SYNE2: variants seen among roughly 807,000 people sequenced by gnomAD.
The protein encoded by SYNE2 is nesprin-2.
A neutral mutation model predicts 856.3 loss-of-function variants in SYNE2; 431 were observed. The observed-to-expected ratio is 0.50, with a 90% CI of 0.47 to 0.55. The LOEUF (loss-of-function observed/expected upper bound fraction) is 0.55. SYNE2 is among the 20% of genes least tolerant of loss of function. The pLI is 0.00. For missense variants in SYNE2, 8,129 were observed against 8,023.2 expected (o/e 1.01, Z -0.50); for synonymous variants, 2,923 against 2,872.3 (o/e 1.02, Z -0.56).
rs149227847 is a variant in SYNE2, at chr14:64,167,345, G to A, written c.16718G>A (p.Arg5573Gln). ...GTGAAGACGTTACAAAATATGAACC[G>A]GCAATGGATTCGGGCCACGGCCACG... ...VAVKTLQNMN[R>Q]QWIRATATAL... Residue 5573 changes from arginine (R) to glutamine (Q), a missense_variant, in exon 91 of 116, where the codon CGG (arginine) becomes CAG (glutamine). Arg to Gln is a conservative substitution (Grantham distance 43). This residue lies in a region of SYNE2 where 5,410 missense variants were observed against 5,284.8 expected (regional missense o/e 1.02). Transcript: ENST00000555002. 1,587 of 1,614,170 alleles carry A rather than the reference G, an allele frequency of 9.8e-4. 1 individual carries two copies. The highest frequency in any genetic ancestry group is 2.2e-3 in the Admixed American group (135 of 60,020).
chr14:64,175,046 G>A lies in SYNE2; in HGVS notation c.17338G>A (p.Val5780Met), dbSNP rs1236151608. 2 of 1,614,088 alleles carry A rather than the reference G, an allele frequency of 1.2e-6. No individual in the cohort carries two copies. The highest frequency in any genetic ancestry group is 1.7e-6 in the Non-Finnish European group (2 of 1,180,044). The change falls in exon 95 of 116, where the codon GTG (valine) becomes ATG (methionine). Residue 5780 changes from valine (V) to methionine (M), a missense_variant. Physicochemically the swap from Val to Met is conservative, Grantham distance 21. Around this residue, in one of 3 missense-constraint regions of SYNE2, gnomAD observed 5,410 missense variants for 5,284.8 expected, o/e 1.02. Coordinates refer to ENST00000555002, the MANE Select transcript of SYNE2 (RefSeq NM_182914.3). ...LTTDLKTKESVGRRISQLQDS... is the reference protein window; with the variant it reads ...LTTDLKTKESMGRRISQLQDS... ...AACTGACCTGAAAACTAAAGAGTCTGTGGGTAGGAGAATCAGTCAACTTCA... is the reference window on the plus strand; with the variant it reads ...AACTGACCTGAAAACTAAAGAGTCTATGGGTAGGAGAATCAGTCAACTTCA...
Position 64,167,608 on chromosome 14 carries a change from C to T in SYNE2, c.16874C>T (p.Pro5625Leu), listed in dbSNP as rs757848145. The change falls in exon 92 of 116, where the codon CCT becomes CTT. Residue 5625 changes from proline (P) to leucine (L), a missense_variant. By Grantham distance (98) the Pro-to-Leu change is moderately conservative. Around this residue, in one of 3 missense-constraint regions of SYNE2, gnomAD observed 5,410 missense variants for 5,284.8 expected, o/e 1.02. Transcript: ENST00000555002. ...AAAGTGGATGTGGCTAACAGCCTTC[C>T]TGAGCTCCTGGAGCAGCAGAAAACC... The part of the protein sequence containing the change: ...ALKVDVANSL[P>L]ELLEQQKTYK... 1.1e-5 allele frequency: 18 copies of T among 1,614,094 alleles called. No homozygotes were observed. The highest frequency in any genetic ancestry group is 1.5e-5 in the Non-Finnish European group (18 of 1,180,046).
chr14:64,114,995 G>A (rs1468563726), intron 66 of SYNE2, among the ~76,000 whole-genome samples: 1 of 152,186 alleles, frequency 6.6e-6, no homozygotes, highest in Non-Finnish European at 1.5e-5. Flanking sequence ...AGGCCCAGGG[G>A]AGCCTGTGAA....
chr14:64,070,922 G>A lies in SYNE2; in HGVS notation c.10697+12G>A, dbSNP rs1213281241. 3.7e-6 allele frequency: 6 copies of A among 1,613,832 alleles called. No individual in the cohort carries two copies. The highest frequency in any genetic ancestry group is 5.1e-6 in the Non-Finnish European group (6 of 1,179,904). The stretch of plus-strand genomic sequence containing the variant: ...GAACGATGCAACAAGTAAGATTTAT[G>A]AAAAACTATTAAGGACGTGTGCTTG... On this transcript the variant is annotated intron_variant, in intron 52 of 115. Transcript: ENST00000555002.
At chr14:64,103,444 C>G (rs1356643864) in intron 64 of SYNE2, among the ~76,000 whole-genome samples, 1 of 149,026 alleles carries the variant, frequency 6.7e-6, no homozygotes, top group Non-Finnish European at 1.5e-5. Context: ...TAAATATTTT[C>G]CAGTCTCTCA....
chr14:64,163,910 C>T (rs994091937), intron 89 of SYNE2, among the ~76,000 whole-genome samples: 6 of 151,994 alleles, frequency 3.9e-5, no homozygotes, highest in African/African-American at 1.2e-4. Context: ...GTCATATCTT[C>T]GTGTCTTCAT....
At chr14:63,951,879 C>T (rs191405809) in intron 7 of SYNE2, among the ~76,000 whole-genome samples, 31 of 152,290 alleles carry the variant, frequency 2.0e-4, no homozygotes, top group African/African-American at 5.5e-4. Flanking sequence ...CTTTTCTTCA[C>T]GTCTCCCCAT....
chr14:64,087,328 A>G, intron 57 of SYNE2: 1 of 478,820 alleles, frequency 2.1e-6, no homozygotes, highest in African/African-American at 2.0e-5. Flanking sequence ...TGGCTGAGCT[A>G]TTTTGACATC....
At position 64,142,073 on chromosome 14, in the gene SYNE2, T is replaced by A. The variant is rs2098142985; in HGVS notation, c.15291T>A (p.Leu5097=). 1 of 1,613,070 alleles carries A rather than the reference T, an allele frequency of 6.2e-7. No homozygotes were observed. Among genetic ancestry groups the A allele is most frequent in the African/African-American group, 1.4e-5 (1 of 74,014 alleles). Residue 5097 remains leucine (L), a synonymous_variant, in exon 82 of 116, where the codon CTT becomes CTA. Transcript: ENST00000555002. ...SPSSASQVKH[L]LQKHKEFRME... The stretch of plus-strand genomic sequence containing the variant: ...GTTCTGCATCTCAAGTTAAACATCT[T>A]CTTCAGAAGCACAAGGTAATTATGC...
At position 64,116,812 on chromosome 14, in the gene SYNE2, G is replaced by A. The variant is rs150137699; in HGVS notation, c.12841-2615G>A. 5.4e-3 allele frequency among the ~76,000 whole-genome samples: 815 copies of A among 152,296 alleles called. 8 individuals are homozygous for A. Among genetic ancestry groups the A allele is most frequent in the African/African-American group, 0.019 (777 of 41,558 alleles). ...ACAAAAGTGAAGAACTAGAAACAAA[G>A]GGGTAACAAGAGGGAAATTGGTAAG... On this transcript the variant is annotated intron_variant, in intron 66 of 115. Transcript: ENST00000555002.
rs560733036 is a variant in SYNE2 at position 63,805,544 on chromosome 14, C to T, written c.-305+43558C>T. On this transcript the variant is annotated intron_variant, in intron 1 of 23. Coordinates refer to the SYNE2 transcript ENST00000674003. ...CTGGGACTACAGGCGCCCGCCACCA[C>T]GCCCGGCTAATTTTTTGTATTTTTG... Among the ~76,000 whole-genome samples, 527 of 152,284 alleles carry T rather than the reference C, an allele frequency of 3.5e-3. 5 individuals carry two copies. Among genetic ancestry groups the T allele is most frequent in the African/African-American group, 0.012 (493 of 41,560 alleles).
chr14:63,943,416 AG>A (rs1447457485), intron 6 of SYNE2, among the ~76,000 whole-genome samples: 1 of 152,214 alleles, frequency 6.6e-6, no homozygotes, highest in Non-Finnish European at 1.5e-5. Flanking sequence ...AAAATAACTT[AG>A]GAAAAATATT....
intron 1 of SYNE2, among the ~76,000 whole-genome samples, chr14:63,780,972 A>G (rs77383448): frequency 6.6e-6 from 1 of 152,090 alleles, no homozygotes; most frequent in South Asian, 2.1e-4. Context: ...TAGTTGTTAA[A>G]TGATACCCTT....
chr14:64,093,742 G>A (rs1376959373), intron 61 of SYNE2, among the ~76,000 whole-genome samples: 2 of 152,138 alleles, frequency 1.3e-5, no homozygotes, highest in East Asian at 3.9e-4. Flanking sequence ...TCTGTTTGTA[G>A]CCTGGGCAGT....
chr14:64,108,492 G>A (rs1357930113), intron 65 of SYNE2, among the ~76,000 whole-genome samples: 2 of 152,126 alleles, frequency 1.3e-5, no homozygotes, highest in Non-Finnish European at 2.9e-5. Flanking sequence ...GCAGGGTGTG[G>A]GGGATGGGTA....
Position 64,087,755 on chromosome 14 carries a change from A to G in SYNE2, c.11569A>G (p.Thr3857Ala), listed in dbSNP as rs1251516401. 6.2e-7 allele frequency: 1 copy of G among 1,614,168 alleles called. No homozygotes were observed. The highest frequency in any genetic ancestry group is 1.1e-5 in the South Asian group (1 of 91,084). Residue 3857 changes from threonine (T) to alanine (A), a missense_variant, in exon 58 of 116, where the codon ACA becomes GCA. By Grantham distance (58) the Thr-to-Ala change is moderately conservative. Around this residue, in one of 3 missense-constraint regions of SYNE2, gnomAD observed 5,410 missense variants for 5,284.8 expected, o/e 1.02. Coordinates refer to ENST00000555002, the MANE Select transcript of SYNE2 (RefSeq NM_182914.3). The part of the protein sequence containing the change: ...DLEDLSIIFE[T>A]DELTQSIQEL... ...AGAAGACCTGTCAATAATTTTTGAA[A>G]CAGATGAATTAACCCAATCCATACA...
chr14:64,208,655 C>T (rs1426676154), intron 100 of SYNE2, 103 bp from the exon 101 acceptor site: 4 of 1,189,584 alleles, frequency 3.4e-6, no homozygotes, highest in Admixed American at 3.5e-5. Context: ...AGGGAAGTAT[C>T]CCCTGAGCTG....
Position 64,146,082 on chromosome 14 carries a change from A to G in SYNE2, c.15498A>G (p.Glu5166=). The stretch of plus-strand genomic sequence containing the variant: ...CATTCACTTAGATACAACATTTAGA[A>G]CAACTTCTAGAAAGTATCACTGAGA... The part of the protein sequence containing the change: ...GMLNRKIQHL[E]QLLESITESE... Residue 5166 remains glutamate (E), a synonymous_variant, in exon 84 of 116, where the codon GAA becomes GAG. Coordinates refer to ENST00000555002, the MANE Select transcript of SYNE2 (RefSeq NM_182914.3). The G allele has an allele frequency of 1.3e-6, 2 of 1,584,460 alleles. No homozygotes were observed. The highest frequency in any genetic ancestry group is 1.7e-6 in the Non-Finnish European group (2 of 1,160,500).
intron 27 of SYNE2, 23 bp from the exon 28 acceptor site, chr14:64,000,539 A>G (rs201004946): frequency 1.3e-5 from 21 of 1,607,412 alleles, no homozygotes; most frequent in South Asian, 3.3e-5. Context: ...TAGTTGATAA[A>G]TTAATTTATG....
Sources: allele counts gnomAD v4.1 joint callset (sites outside exome capture counted in the v4.1 genomes callset), GRCh38; gene constraint gnomAD v4.1.1; regional missense constraint gnomAD v4.1.1; transcripts MANE v1.5; gene names NCBI Gene and HGNC (gene_info 2026-07-23, HGNC 2026-07-21).